EPB41L2: variants seen among roughly 807,000 people sequenced by gnomAD.
EPB41L2 encodes erythrocyte membrane protein band 4.1 like 2, also known as band 4.1-like protein 2.
Under a neutral mutation model 113.0 loss-of-function variants are expected in EPB41L2, and 43 were observed. The ratio of observed to expected loss-of-function variants is 0.38; its 90% CI spans 0.30 to 0.49. EPB41L2 has a LOEUF of 0.49. Ranked by LOEUF, EPB41L2 falls within the 20% of genes least tolerant of loss-of-function variation. EPB41L2 has a pLI of 0.95. For synonymous variants in EPB41L2, 442 were observed against 436.7 expected, an observed-to-expected ratio of 1.01 and a Z score of -0.15; for missense variants, 1,147 against 1,223.4, an observed-to-expected ratio of 0.94 and a Z score of 0.93.
chr6:131,048,221 G>A (rs1795873716), intron 1 of EPB41L2, among the ~76,000 whole-genome samples: 1 of 150,330 alleles, frequency 6.7e-6, no homozygotes, highest in Non-Finnish European at 1.5e-5. Context: ...AGGATTCATA[G>A]GAAAAAAAAT....
intron 1 of EPB41L2, chr6:131,062,697 G>A (rs923937987): frequency 1.3e-5 from 2 of 151,766 alleles, no homozygotes. Flanking sequence ...CCTCCCCGCG[G>A]GGGGGATGGA....
chr6:130,902,222 C>T (rs946838990), intron 6 of EPB41L2, among the ~76,000 whole-genome samples: 1 of 152,190 alleles, frequency 6.6e-6, no homozygotes, highest in African/African-American at 2.4e-5. Flanking sequence ...GGACACTTGC[C>T]TGGCCTGGGT....
chr6:130,985,296 G>T (rs562854772), intron 1 of EPB41L2, among the ~76,000 whole-genome samples: 34 of 149,454 alleles, frequency 2.3e-4, no homozygotes, highest in South Asian at 4.2e-4. Context: ...AGCCACATTT[G>T]GGGGGGGACT....
intron 1 of EPB41L2, among the ~76,000 whole-genome samples, chr6:130,963,212 T>C (rs1356112191): frequency 1.3e-5 from 2 of 152,206 alleles, no homozygotes; most frequent in South Asian, 2.1e-4. Flanking sequence ...CAGTTACTTG[T>C]AGTCAAAAAC....
chr6:130,850,004 C>T (rs1298462626), intron 19 of EPB41L2, among the ~76,000 whole-genome samples: 2 of 152,030 alleles, frequency 1.3e-5, no homozygotes, highest in African/African-American at 4.8e-5. Flanking sequence ...GAAGCCAAGG[C>T]GGGTGGATCA....
intron 4 of EPB41L2, 105 bp from the exon 5 acceptor site, chr6:130,908,968 TA>T: frequency 1.1e-6 from 1 of 932,350 alleles, no homozygotes; most frequent in Non-Finnish European, 1.6e-6. Flanking sequence ...TTTAATAAAG[TA>T]TTATTCAAAG....
At chr6:131,054,419 T>C (rs1797221337) in intron 1 of EPB41L2, among the ~76,000 whole-genome samples, 2 of 152,316 alleles carry the variant, frequency 1.3e-5, no homozygotes, top group African/African-American at 2.4e-5. Context: ...TGCTAGTCTT[T>C]ATCTATCCCT....
intron 3 of EPB41L2, among the ~76,000 whole-genome samples, chr6:130,945,136 T>C (rs1264950473): frequency 6.6e-6 from 1 of 152,166 alleles, no homozygotes; most frequent in Non-Finnish European, 1.5e-5. Flanking sequence ...TATGGAATCT[T>C]ATAGAGTGCC....
At chr6:130,929,152 A>G (rs1805818999) in intron 3 of EPB41L2, among the ~76,000 whole-genome samples, 1 of 152,222 alleles carries the variant, frequency 6.6e-6, no homozygotes, top group Non-Finnish European at 1.5e-5. Flanking sequence ...CAAAAATGCA[A>G]CAACACATGA....
chr6:130,982,562 A>G (rs966504654), intron 1 of EPB41L2, among the ~76,000 whole-genome samples: 1 of 152,236 alleles, frequency 6.6e-6, no homozygotes, highest in African/African-American at 2.4e-5. Context: ...AACATTATCT[A>G]AATTCTAGAG....
intron 1 of EPB41L2, among the ~76,000 whole-genome samples, chr6:131,002,166 T>C (rs544955332): frequency 1.3e-5 from 2 of 152,254 alleles, no homozygotes; most frequent in South Asian, 2.1e-4. Flanking sequence ...CAGACTTGCT[T>C]TTTTTTCAGA....
chr6:130,899,898 AAC>A, intron 7 of EPB41L2, among the ~76,000 whole-genome samples: 1 of 152,316 alleles, frequency 6.6e-6, no homozygotes, highest in Middle Eastern at 3.4e-3. Context: ...GAGAATAAAA[AAC>A]AGTGATCTCA....
intron 1 of EPB41L2, among the ~76,000 whole-genome samples, chr6:130,976,203 G>T (rs1033402321): frequency 6.6e-6 from 1 of 152,050 alleles, no homozygotes; most frequent in Non-Finnish European, 1.5e-5. Flanking sequence ...TTTTTTTAAC[G>T]TTTTTAAAAA....
intron 1 of EPB41L2, among the ~76,000 whole-genome samples, chr6:130,961,339 T>A (rs897564530): frequency 6.6e-6 from 1 of 152,152 alleles, no homozygotes; most frequent in Non-Finnish European, 1.5e-5. Flanking sequence ...GACAGCTTCA[T>A]GAGAAAAAGC....
chr6:130,873,629 C>T (rs964906661), intron 14 of EPB41L2, among the ~76,000 whole-genome samples: 1 of 152,150 alleles, frequency 6.6e-6, no homozygotes, highest in African/African-American at 2.4e-5. Flanking sequence ...CCATGCCCAG[C>T]TAATTTTTAT....
intron 1 of EPB41L2, among the ~76,000 whole-genome samples, chr6:131,060,001 C>A (rs1189854295): frequency 6.6e-6 from 1 of 152,038 alleles, no homozygotes; most frequent in African/African-American, 2.4e-5. Context: ...GGTATTGATC[C>A]CTATAAACTG....
chr6:131,026,739 C>CCTTAACAG (rs1790946178), intron 1 of EPB41L2, among the ~76,000 whole-genome samples: 1 of 152,166 alleles, frequency 6.6e-6, no homozygotes, highest in South Asian at 2.1e-4. Flanking sequence ...CCATACCACA[C>CCTTAACAG]CTTAACAGCT....
At chr6:131,024,321 G>C (rs1291020485) in intron 1 of EPB41L2, among the ~76,000 whole-genome samples, 3 of 152,142 alleles carry the variant, frequency 2.0e-5, no homozygotes, top group Non-Finnish European at 2.9e-5. Context: ...CTCGTGTGTT[G>C]GGTTTATGGT....
At chr6:131,053,584 G>A (rs1466093361) in intron 1 of EPB41L2, among the ~76,000 whole-genome samples, 1 of 152,124 alleles carries the variant, frequency 6.6e-6, no homozygotes, top group Non-Finnish European at 1.5e-5. Context: ...GGAGGAGGTA[G>A]CAACTGGTCA....
Sources: gnomAD v4.1 joint callset for allele counts (sites outside exome capture counted in the v4.1 genomes callset) on GRCh38, gnomAD v4.1.1 for gene constraint, MANE v1.5 for transcripts, NCBI Gene and HGNC (gene_info 2026-07-23, HGNC 2026-07-21) for gene names.